Variants in LRRC7 observed in about 807,000 individuals in gnomAD.
LRRC7 encodes the protein leucine-rich repeat-containing protein 7.
In LRRC7, 23 loss-of-function variants were observed where a neutral mutation model predicts 175.7. The ratio of observed to expected loss-of-function variants is 0.13; its 90% CI spans 0.09 to 0.19. The LOEUF is 0.19. Ranked by LOEUF, LRRC7 falls within the 10% of genes least tolerant of loss-of-function variation. The pLI is 1.00. For missense variants in LRRC7, 1,354 were observed against 1,904.7 expected (o/e 0.71, Z 5.38); for synonymous variants, 685 against 680.9 (o/e 1.01, Z -0.09).
At chr1:69,859,371 G>A (rs1684115340) in intron 7 of LRRC7, among the ~76,000 whole-genome samples, 1 of 151,950 alleles carries the variant, frequency 6.6e-6, no homozygotes, top group African/African-American at 2.4e-5. Flanking sequence ...AACTTTTCTA[G>A]CACATTATTT....
chr1:69,840,859 G>A (rs1294988286), intron 7 of LRRC7, among the ~76,000 whole-genome samples: 3 of 152,068 alleles, frequency 2.0e-5, no homozygotes, highest in Non-Finnish European at 4.4e-5. Flanking sequence ...GTTAGATTAT[G>A]TGATACAGTT....
intron 2 of LRRC7, among the ~76,000 whole-genome samples, chr1:69,727,447 T>C (rs1001105282): frequency 2.0e-5 from 3 of 152,250 alleles, no homozygotes; most frequent in African/African-American, 7.2e-5. Context: ...TCTTCTTAGA[T>C]AGCTACTTCT....
rs569919512 is a variant in LRRC7, at chr1:69,766,588, C to T, written c.303+6195C>T. Among the ~76,000 whole-genome samples the T allele has an allele frequency of 2.6e-5, 4 of 152,198 alleles. No homozygotes were observed. The South Asian group carries it at 8.3e-4, about 32-fold the overall frequency. ...AAAACCAAGCTATGTATTCTTAATA[C>T]TTACTCATTTCCTGGAGGCACGTTG... On this transcript the variant is annotated intron_variant, in intron 3 of 26. Coordinates refer to ENST00000651989, the MANE Select transcript of LRRC7 (RefSeq NM_001370785.2).
intron 1 of LRRC7, among the ~76,000 whole-genome samples, chr1:69,632,707 A>G (rs1031945972): frequency 6.6e-6 from 1 of 152,114 alleles, no homozygotes; most frequent in African/African-American, 2.4e-5. Flanking sequence ...CCAAGCAGAC[A>G]CTAAGTGCCA....
At chr1:69,602,358 G>A (rs1336443359) in intron 1 of LRRC7, among the ~76,000 whole-genome samples, 1 of 152,106 alleles carries the variant, frequency 6.6e-6, no homozygotes, top group Non-Finnish European at 1.5e-5. Context: ...TGTACACAAA[G>A]TACAAGATGG....
intron 11 of LRRC7, among the ~76,000 whole-genome samples, chr1:70,010,049 C>T (rs1178191097): frequency 6.6e-6 from 1 of 152,106 alleles, no homozygotes; most frequent in Non-Finnish European, 1.5e-5. Context: ...TGAATTTCTT[C>T]CCTGATGTAT....
chr1:70,112,453 T>C (rs983561893), intron 26 of LRRC7, among the ~76,000 whole-genome samples: 5 of 152,162 alleles, frequency 3.3e-5, no homozygotes, highest in African/African-American at 1.2e-4. Flanking sequence ...CTAAGGGAGC[T>C]AATAGCTAGG....
At chr1:70,074,264 C>T (rs550366077) in intron 23 of LRRC7, among the ~76,000 whole-genome samples, 1 of 151,842 alleles carries the variant, frequency 6.6e-6, no homozygotes, top group Non-Finnish European at 1.5e-5. Flanking sequence ...TGGATGCCCT[C>T]TCCTCCAAAC....
intron 2 of LRRC7, among the ~76,000 whole-genome samples, chr1:69,731,281 C>T (rs1292391603): frequency 6.6e-6 from 1 of 151,980 alleles, no homozygotes; most frequent in African/African-American, 2.4e-5. Flanking sequence ...CAGCAAGACT[C>T]CATTACCCCC....
chr1:69,997,236 TG>T (rs768990504), intron 11 of LRRC7, among the ~76,000 whole-genome samples: 2 of 152,224 alleles, frequency 1.3e-5, no homozygotes, highest in Non-Finnish European at 2.9e-5. Flanking sequence ...TTGTGATTTT[TG>T]TACATTGATT....
intron 1 of LRRC7, among the ~76,000 whole-genome samples, chr1:69,630,312 G>T (rs1398219017): frequency 2.0e-5 from 3 of 152,022 alleles, no homozygotes; most frequent in African/African-American, 7.2e-5. Context: ...TTTCAATATT[G>T]TGCTATTTCA....
intron 17 of LRRC7, among the ~76,000 whole-genome samples, chr1:70,024,510 T>C (rs1406825571): frequency 6.6e-6 from 1 of 152,012 alleles, no homozygotes; most frequent in Non-Finnish European, 1.5e-5. Context: ...ATTAAAGTAA[T>C]ATTTTAGTAA....
intron 7 of LRRC7, among the ~76,000 whole-genome samples, chr1:69,853,376 T>C (rs1683217321): frequency 6.7e-6 from 1 of 149,334 alleles, no homozygotes; most frequent in African/African-American, 2.5e-5. Flanking sequence ...CCTCCTGGGT[T>C]CAAGCGATTC....
intron 3 of LRRC7, among the ~76,000 whole-genome samples, chr1:69,767,578 T>C (rs1176011454): frequency 6.6e-6 from 1 of 152,142 alleles, no homozygotes; most frequent in Non-Finnish European, 1.5e-5. Context: ...CTCATCAGCC[T>C]CCTGAGTATC....
At chr1:69,741,606 T>G (rs1467145701) in intron 2 of LRRC7, among the ~76,000 whole-genome samples, 4 of 151,680 alleles carry the variant, frequency 2.6e-5, no homozygotes, top group Non-Finnish European at 4.4e-5. Context: ...CAGAGACAGG[T>G]ATGAGGAAGA....
intron 4 of LRRC7, among the ~76,000 whole-genome samples, chr1:69,796,836 T>C (rs1055756937): frequency 1.3e-5 from 2 of 151,966 alleles, no homozygotes; most frequent in African/African-American, 2.4e-5. Flanking sequence ...AACAGACATT[T>C]CAGATGTCAT....
chr1:69,708,289 T>C (rs1422411914), intron 2 of LRRC7, among the ~76,000 whole-genome samples: 1 of 152,182 alleles, frequency 6.6e-6, no homozygotes, highest in Non-Finnish European at 1.5e-5. Flanking sequence ...ACAGTCCCTA[T>C]TGGATGTTGT....
At chr1:69,672,380 T>A (rs1265207795) in intron 1 of LRRC7, among the ~76,000 whole-genome samples, 1 of 152,208 alleles carries the variant, frequency 6.6e-6, no homozygotes, top group African/African-American at 2.4e-5. Flanking sequence ...TTTCCATCAT[T>A]GCAGAAAGTT....
chr1:70,047,531 G>A (rs1660421418), intron 22 of LRRC7, among the ~76,000 whole-genome samples: 1 of 152,008 alleles, frequency 6.6e-6, no homozygotes, highest in Non-Finnish European at 1.5e-5. Flanking sequence ...ACTAATTAAA[G>A]GATATAATTA....
Sources: gnomAD v4.1 joint callset for allele counts (sites outside exome capture counted in the v4.1 genomes callset) on GRCh38, gnomAD v4.1.1 for gene constraint, MANE v1.5 for transcripts, NCBI Gene and HGNC (gene_info 2026-07-23, HGNC 2026-07-21) for gene names.